Variants in ADAM20 observed in about 807,000 individuals in gnomAD.
ADAM20 encodes ADAM metallopeptidase domain 20.
For synonymous variants in ADAM20, 305 were observed against 310.2 expected, an observed-to-expected ratio of 0.98 and a Z score of 0.18; for missense variants, 871 against 883.2, an observed-to-expected ratio of 0.99 and a Z score of 0.18.
chr14:70,554,327 A>T, the ADAM20 span, among the ~76,000 whole-genome samples: 3 of 152,214 alleles, frequency 2.0e-5, no homozygotes, highest in Non-Finnish European at 2.9e-5. Flanking sequence ...GAGATTCCTT[A>T]AAAAATTAAA....
the ADAM20 span, among the ~76,000 whole-genome samples, chr14:70,564,474 G>GCAGA: frequency 6.6e-6 from 1 of 152,060 alleles, no homozygotes; most frequent in Non-Finnish European, 1.5e-5. Flanking sequence ...CATCAAATGT[G>GCAGA]CAGACATGAA....
chr14:70,525,469 G>T (rs1883570383), intron 1 of ADAM20, among the ~76,000 whole-genome samples: 1 of 151,998 alleles, frequency 6.6e-6, no homozygotes, highest in Non-Finnish European at 1.5e-5. Flanking sequence ...TGATCTTCTT[G>T]TCTCAGCCTT....
intron 1 of ADAM20, among the ~76,000 whole-genome samples, chr14:70,530,053 C>T (rs373754505): frequency 4.3e-4 from 66 of 152,178 alleles, no homozygotes; most frequent in African/African-American, 1.3e-3. Flanking sequence ...GAGGCCAAGG[C>T]GGGTGGATCA....
intron 1 of ADAM20, among the ~76,000 whole-genome samples, chr14:70,530,262 A>G (rs928298116): frequency 6.6e-6 from 1 of 152,218 alleles, no homozygotes; most frequent in Non-Finnish European, 1.5e-5. Context: ...AAGATCATCA[A>G]TAATCACTGT....
At chr14:70,542,996 A>G in the ADAM20 span, among the ~76,000 whole-genome samples, 1 of 152,316 alleles carries the variant, frequency 6.6e-6, no homozygotes, top group Non-Finnish European at 1.5e-5. Context: ...TTGTATGCAA[A>G]TAATTAAACC....
chr14:70,527,423 C>T (rs1883613480), intron 1 of ADAM20, among the ~76,000 whole-genome samples: 1 of 152,080 alleles, frequency 6.6e-6, no homozygotes, highest in Admixed American at 6.6e-5. Context: ...CATGAACATA[C>T]TCAAATCTCT....
At chr14:70,527,919 C>T (rs1016041756) in intron 1 of ADAM20, among the ~76,000 whole-genome samples, 2 of 152,190 alleles carry the variant, frequency 1.3e-5, no homozygotes, top group African/African-American at 4.8e-5. Flanking sequence ...ATCATCTAAA[C>T]CTTTCCTCAT....
the ADAM20 span, among the ~76,000 whole-genome samples, chr14:70,545,905 G>T: frequency 6.6e-6 from 1 of 152,296 alleles, no homozygotes; most frequent in Admixed American, 6.5e-5. Context: ...AATGGCTACA[G>T]AATATACCTT....
the ADAM20 span, among the ~76,000 whole-genome samples, chr14:70,570,452 A>G: frequency 6.6e-6 from 1 of 152,158 alleles, no homozygotes; most frequent in Non-Finnish European, 1.5e-5. Flanking sequence ...TACAACTGAT[A>G]CCACAGAAAG....
chr14:70,526,621 GT>G (rs1164613123), intron 1 of ADAM20, among the ~76,000 whole-genome samples: 1 of 152,142 alleles, frequency 6.6e-6, no homozygotes, highest in Admixed American at 6.6e-5. Flanking sequence ...TAATACAAAA[GT>G]TTATTCCAAA....
chr14:70,546,996 C>A, the ADAM20 span, among the ~76,000 whole-genome samples: 1 of 152,054 alleles, frequency 6.6e-6, no homozygotes, highest in East Asian at 1.9e-4. Context: ...TCAATAAAAC[C>A]AGAGATGAAA....
upstream of ADAM20, among the ~76,000 whole-genome samples, chr14:70,538,972 CT>C (rs1883892037): frequency 6.6e-6 from 1 of 152,236 alleles, no homozygotes; most frequent in East Asian, 1.9e-4. Context: ...GGGAGACCCC[CT>C]GAAACTATTG....
chr14:70,559,622 T>C, the ADAM20 span, among the ~76,000 whole-genome samples: 11 of 152,234 alleles, frequency 7.2e-5, no homozygotes. Context: ...CTTTACAAGG[T>C]TGTACCCAAT....
chr14:70,578,183 C>CA, the ADAM20 span, among the ~76,000 whole-genome samples: 7 of 151,506 alleles, frequency 4.6e-5, no homozygotes, highest in Non-Finnish European at 8.8e-5. Flanking sequence ...TCAAAACCAC[C>CA]AAAAAAAATC....
chr14:70,525,868 G>T (rs759009806), intron 1 of ADAM20, among the ~76,000 whole-genome samples: 1 of 152,168 alleles, frequency 6.6e-6, no homozygotes, highest in Non-Finnish European at 1.5e-5. Flanking sequence ...GTAACAGGGA[G>T]TGAGGCAGCT....
chr14:70,569,804 G>C, the ADAM20 span, among the ~76,000 whole-genome samples: 9 of 138,300 alleles, frequency 6.5e-5, no homozygotes, highest in African/African-American at 2.1e-4. Flanking sequence ...AGACTTCAGA[G>C]ATACACAGTG....
chr14:70,566,978 G>A, the ADAM20 span, among the ~76,000 whole-genome samples: 1,444 of 151,592 alleles, frequency 9.5e-3, 27 homozygotes, highest in African/African-American at 0.032. Flanking sequence ...GCGATACTCC[G>A]TTCAAAAAAA....
chr14:70,544,745 T>G, the ADAM20 span, among the ~76,000 whole-genome samples: 2 of 152,244 alleles, frequency 1.3e-5, no homozygotes, highest in South Asian at 4.2e-4. Context: ...ATATGCTAAT[T>G]ACACCAGTTT....
upstream of ADAM20, among the ~76,000 whole-genome samples, chr14:70,537,785 C>G: frequency 6.6e-6 from 1 of 152,100 alleles, no homozygotes; most frequent in East Asian, 1.9e-4. Flanking sequence ...GCAACATGGC[C>G]TGGACCCAAT....
Sources: allele counts gnomAD v4.1 joint callset (sites outside exome capture counted in the v4.1 genomes callset), GRCh38; gene constraint gnomAD v4.1.1; transcripts MANE v1.5; gene names NCBI Gene and HGNC (gene_info 2026-07-23, HGNC 2026-07-21).